DLGAP1: variants seen among roughly 807,000 people sequenced by gnomAD.
DLGAP1 encodes disks large-associated protein 1.
A neutral mutation model predicts 90.8 loss-of-function variants in DLGAP1; 11 were observed. That is an observed-to-expected ratio of 0.12 (90% CI 0.08 to 0.20). DLGAP1 has a LOEUF of 0.20. Ranked by LOEUF, DLGAP1 falls within the 10% of genes least tolerant of loss-of-function variation. The pLI, the probability that DLGAP1 is intolerant of heterozygous loss-of-function variation, is 1.00. For missense variants in DLGAP1, 1,050 were observed against 1,333.8 expected (o/e 0.79, Z 3.31); for synonymous variants, 558 against 540.7 (o/e 1.03, Z -0.44).
chr18:4,385,496 ACT>A (rs1470503965), intron 1 of DLGAP1, among the ~76,000 whole-genome samples: 1 of 151,644 alleles, frequency 6.6e-6, no homozygotes, highest in African/African-American at 2.4e-5. Context: ...TTAGCAGAAA[ACT>A]CTGTTGTTGA....
intron 2 of DLGAP1, among the ~76,000 whole-genome samples, chr18:4,090,782 C>A (rs1026372683): frequency 1.3e-5 from 2 of 152,184 alleles, no homozygotes; most frequent in Non-Finnish European, 2.9e-5. Flanking sequence ...ATCATAAAGA[C>A]ACATGCACAT....
At chr18:4,063,350 T>C (rs2075326360) in intron 2 of DLGAP1, among the ~76,000 whole-genome samples, 2 of 152,256 alleles carry the variant, frequency 1.3e-5, no homozygotes, top group Non-Finnish European at 2.9e-5. Flanking sequence ...GCAGATAAGC[T>C]TGGCTAAGGC....
intron 1 of DLGAP1, among the ~76,000 whole-genome samples, chr18:4,405,245 C>CAGGGCAATCCAAATCAG (rs2082638655): frequency 6.6e-6 from 1 of 152,158 alleles, no homozygotes; most frequent in Non-Finnish European, 1.5e-5. Flanking sequence ...AGGTATCCCT[C>CAGGGCAATCCAAATCAG]AGGGCAATCC....
intron 7 of DLGAP1, among the ~76,000 whole-genome samples, chr18:3,625,023 G>A (rs1599600396): frequency 6.6e-6 from 1 of 152,114 alleles, no homozygotes; most frequent in African/African-American, 2.4e-5. Flanking sequence ...GTCCCTAAAC[G>A]CCTGAGTCGT....
At chr18:3,691,597 A>G (rs2060899495) in intron 7 of DLGAP1, among the ~76,000 whole-genome samples, 1 of 152,020 alleles carries the variant, frequency 6.6e-6, no homozygotes, top group African/African-American at 2.4e-5. Context: ...GTCCTTTATA[A>G]TTCCACCAAA....
In DLGAP1 at chr18:4,099,307, CT is replaced by C. The variant is rs775030021; in HGVS notation, c.-159+51872del. ...ATCTATCTGTCTATCATCTATCTAT[CT>C]ATCTATCTATCTATCTATCTATCTA... On this transcript the variant is annotated intron_variant, in intron 2 of 12. Coordinates refer to ENST00000315677, the MANE Select transcript of DLGAP1 (RefSeq NM_004746.4). Among the ~76,000 whole-genome samples, 806 of 108,380 alleles carry C rather than the reference CT, an allele frequency of 7.4e-3. 4 individuals carry two copies. Among genetic ancestry groups the C allele is most frequent in the Non-Finnish European group, 0.01 (532 of 50,692 alleles). The allele number at this position is 108,380 out of a possible 152,430, so 71.1% of individuals were successfully genotyped here.
chr18:3,743,988 T>A (rs532275930), intron 5 of DLGAP1, among the ~76,000 whole-genome samples: 1 of 152,316 alleles, frequency 6.6e-6, no homozygotes, highest in South Asian at 2.1e-4. Flanking sequence ...CACATGGTAT[T>A]AGTGCGATTT....
At chr18:4,299,099 A>AC (rs2080061176) in intron 1 of DLGAP1, among the ~76,000 whole-genome samples, 1 of 150,858 alleles carries the variant, frequency 6.6e-6, no homozygotes, top group South Asian at 2.1e-4. Context: ...AAAAAAAAAA[A>AC]AAAAAAAAAA....
chr18:4,423,244 A>C (rs1763416798), intron 1 of DLGAP1, among the ~76,000 whole-genome samples: 1 of 152,136 alleles, frequency 6.6e-6, no homozygotes. Flanking sequence ...ATGTCCTGTT[A>C]GAGTTTTATG....
chr18:3,580,105 C>T, intron 8 of DLGAP1: 1 of 912,730 alleles, frequency 1.1e-6, no homozygotes, highest in Non-Finnish European at 1.8e-6. Flanking sequence ...CAGCTTGAGT[C>T]ACACATTCAA....
At chr18:4,111,432 T>C (rs1293044303) in intron 2 of DLGAP1, among the ~76,000 whole-genome samples, 1 of 152,172 alleles carries the variant, frequency 6.6e-6, no homozygotes, top group African/African-American at 2.4e-5. Context: ...GCTGGCATCA[T>C]AGAATAAGTT....
chr18:3,880,944 G>GAAAAAAAAAAAAAAAAAAAAAAAA (rs1173817359), intron 3 of DLGAP1, among the ~76,000 whole-genome samples: 1 of 38,360 alleles, frequency 2.6e-5, no homozygotes, highest in Non-Finnish European at 5.3e-5. Flanking sequence ...CTCCATCTCA[G>GAAAAAAAAAAAAAAAAAAAAAAAA]AAAAAAAAAA....
At chr18:4,247,732 G>A (rs1444568612) in intron 1 of DLGAP1, among the ~76,000 whole-genome samples, 3 of 151,784 alleles carry the variant, frequency 2.0e-5, no homozygotes, top group Non-Finnish European at 4.4e-5. Context: ...AGCCCATATC[G>A]CACCACTGCA....
intron 1 of DLGAP1, among the ~76,000 whole-genome samples, chr18:4,239,690 T>C (rs1244401795): frequency 6.6e-6 from 1 of 152,204 alleles, no homozygotes; most frequent in Non-Finnish European, 1.5e-5. Flanking sequence ...AATGAGATGC[T>C]AAACAAAGTG....
chr18:4,267,435 G>A (rs1009725053), intron 1 of DLGAP1, among the ~76,000 whole-genome samples: 8 of 152,130 alleles, frequency 5.3e-5, no homozygotes, highest in African/African-American at 1.9e-4. Context: ...CAGTTACATT[G>A]TCTGGTTATA....
At chr18:3,752,579 TTCTC>T (rs1006857337) in intron 5 of DLGAP1, among the ~76,000 whole-genome samples, 24 of 134,894 alleles carry the variant, frequency 1.8e-4, no homozygotes, top group African/African-American at 2.7e-4. Context: ...TCTTTCTTTC[TTCTC>T]TCTCTTTCTC....
intron 1 of DLGAP1, among the ~76,000 whole-genome samples, chr18:4,157,278 A>G (rs1378061458): frequency 2.0e-5 from 3 of 152,166 alleles, no homozygotes; most frequent in South Asian, 2.1e-4. Flanking sequence ...CTTAAATTTT[A>G]CCTTATAGTC....
intron 1 of DLGAP1, among the ~76,000 whole-genome samples, chr18:4,303,272 A>T (rs544958194): frequency 4.7e-5 from 7 of 150,392 alleles, no homozygotes; most frequent in East Asian, 3.9e-4. Flanking sequence ...GTATTATTCT[A>T]TTTTTTTTTT....
intron 4 of DLGAP1, among the ~76,000 whole-genome samples, chr18:3,823,948 T>TAA (rs2067565326): frequency 5.0e-5 from 1 of 20,190 alleles, no homozygotes; most frequent in Non-Finnish European, 9.1e-5. Context: ...AGACTCCCTC[T>TAA]CAAAAAAAAA....
Sources: gnomAD v4.1 joint callset for allele counts (sites outside exome capture counted in the v4.1 genomes callset) on GRCh38, gnomAD v4.1.1 for gene constraint, MANE v1.5 for transcripts, NCBI Gene and HGNC (gene_info 2026-07-23, HGNC 2026-07-21) for gene names.